Variants in PDE1C observed in about 807,000 individuals in gnomAD.
The protein encoded by PDE1C is dual specificity calcium/calmodulin-dependent 3',5'-cyclic nucleotide phosphodiesterase 1C.
PDE1C carries 62 observed loss-of-function variants against 93.1 expected under a neutral mutation model. The ratio of observed to expected loss-of-function variants is 0.67; its 90% confidence interval spans 0.54 to 0.82. The LOEUF (loss-of-function observed/expected upper bound fraction) is 0.82, where lower values mean the gene tolerates loss of function less well. Ranked by LOEUF, PDE1C falls within the 40% of genes least tolerant of loss-of-function variation. The pLI is 0.00. For missense variants in PDE1C, 742 were observed against 884.6 expected, an observed-to-expected ratio of 0.84 and a Z score of 2.04; for synonymous variants, 325 against 310.1, an observed-to-expected ratio of 1.05 and a Z score of -0.50.
intron 7 of PDE1C, 185 bp from the exon 8 acceptor site, chr7:31,850,926 T>G: frequency 1.7e-6 from 1 of 572,346 alleles, no homozygotes; most frequent in South Asian, 2.0e-5. Flanking sequence ...TGTGATTTGT[T>G]AACAATGTGT....
At chr7:32,379,155 C>T (rs1402321411) in intron 1 of PDE1C, among the ~76,000 whole-genome samples, 1 of 152,194 alleles carries the variant, frequency 6.6e-6, no homozygotes. Flanking sequence ...GCTCATGCTC[C>T]CTGACTCCTC....
At chr7:32,215,332 A>C (rs1806352681) in intron 1 of PDE1C, among the ~76,000 whole-genome samples, 1 of 151,880 alleles carries the variant, frequency 6.6e-6, no homozygotes, top group African/African-American at 2.4e-5. Context: ...TCCCCCCAAC[A>C]CCCGTTTTGT....
At chr7:32,046,852 G>T (rs772925488) in intron 2 of PDE1C, among the ~76,000 whole-genome samples, 1 of 152,216 alleles carries the variant, frequency 6.6e-6, no homozygotes, top group Non-Finnish European at 1.5e-5. Flanking sequence ...TAATGAGGTT[G>T]TTCATTACCT....
At chr7:32,369,180 G>A (rs945848413) in intron 1 of PDE1C, among the ~76,000 whole-genome samples, 1 of 151,992 alleles carries the variant, frequency 6.6e-6, no homozygotes, top group Non-Finnish European at 1.5e-5. Context: ...ATACAGCAAA[G>A]GAAATAATCA....
chr7:31,717,842 G>T, the PDE1C span, among the ~76,000 whole-genome samples: 1 of 152,042 alleles, frequency 6.6e-6, no homozygotes, highest in African/African-American at 2.4e-5. Context: ...CGGAAGGAGA[G>T]AAGGTGATCT....
At chr7:31,980,987 A>C (rs1011566291) in intron 2 of PDE1C, among the ~76,000 whole-genome samples, 1 of 152,176 alleles carries the variant, frequency 6.6e-6, no homozygotes, top group Admixed American at 6.5e-5. Flanking sequence ...TCACACATGC[A>C]AAGTCCCTTC....
intron 2 of PDE1C, among the ~76,000 whole-genome samples, chr7:31,943,017 A>G (rs62456047): frequency 0.038 from 5,742 of 152,224 alleles, 196 homozygotes; most frequent in Admixed American, 0.11. Context: ...ATAGCTGCTG[A>G]GGTGAGCCCA....
At chr7:31,844,912 C>G (rs1182935486) in intron 9 of PDE1C, among the ~76,000 whole-genome samples, 3 of 152,062 alleles carry the variant, frequency 2.0e-5, no homozygotes, top group Non-Finnish European at 4.4e-5. Context: ...GTCACTGTTT[C>G]CTTCTTCTGT....
At chr7:32,354,598 A>T (rs530402224) in intron 1 of PDE1C, among the ~76,000 whole-genome samples, 7 of 152,168 alleles carry the variant, frequency 4.6e-5, no homozygotes, top group East Asian at 1.9e-4. Flanking sequence ...TACCTTGTTT[A>T]AAAAAAAGTT....
intron 11 of PDE1C, among the ~76,000 whole-genome samples, chr7:31,829,048 C>G (rs1790050225): frequency 6.6e-6 from 1 of 152,072 alleles, no homozygotes; most frequent in Non-Finnish European, 1.5e-5. Context: ...GAGATGTTTT[C>G]TAAAAACTTG....
At chr7:31,713,145 G>A in the PDE1C span, among the ~76,000 whole-genome samples, 3 of 152,204 alleles carry the variant, frequency 2.0e-5, no homozygotes. Flanking sequence ...TTCTGCCTAT[G>A]AGCCTGTAAA....
At chr7:32,060,832 C>T (rs1794716997) in intron 1 of PDE1C, among the ~76,000 whole-genome samples, 1 of 152,074 alleles carries the variant, frequency 6.6e-6, no homozygotes, top group African/African-American at 2.4e-5. Flanking sequence ...CACTAATGAG[C>T]TAGGAAAGGC....
In PDE1C at chr7:31,970,847, G is replaced by C. The variant is rs576470825; in HGVS notation, c.128+80707C>G. Among the ~76,000 whole-genome samples the C allele has an allele frequency of 2.0e-5, 3 of 152,316 alleles. No homozygotes were observed. In the South Asian group the frequency reaches 6.2e-4, roughly 32 times the overall value. On this transcript the variant is annotated intron_variant, in intron 2 of 17. Coordinates refer to ENST00000396191, the MANE Select transcript of PDE1C (RefSeq NM_001191057.4). ...TCCATGTTGATCTGCAAAAGAGAGA[G>C]ATGACAGAAAGAGTGTTGGGTGTGG... is the stretch of plus-strand genomic sequence containing the variant.
intron 1 of PDE1C, among the ~76,000 whole-genome samples, chr7:32,355,513 C>T (rs1784013793): frequency 7.1e-6 from 1 of 141,762 alleles, no homozygotes; most frequent in Non-Finnish European, 1.6e-5. Flanking sequence ...CCCACCATCC[C>T]CTCAAATCTT....
intron 2 of PDE1C, among the ~76,000 whole-genome samples, chr7:31,960,579 A>C (rs745758988): frequency 3.9e-5 from 6 of 152,224 alleles, no homozygotes; most frequent in African/African-American, 9.6e-5. Flanking sequence ...AGAAATGCAT[A>C]TTGAAATATT....
intron 1 of PDE1C, among the ~76,000 whole-genome samples, chr7:32,354,666 C>G (rs1046741967): frequency 1.3e-5 from 2 of 152,162 alleles, no homozygotes; most frequent in Non-Finnish European, 2.9e-5. Flanking sequence ...GGCCACACAA[C>G]CTGTCCCAGA....
intron 3 of PDE1C, among the ~76,000 whole-genome samples, chr7:32,162,142 G>A (rs1175877246): frequency 1.3e-5 from 2 of 152,140 alleles, no homozygotes; most frequent in Non-Finnish European, 2.9e-5. Context: ...TTATGTTGTA[G>A]TTTCTTTAAT....
chr7:32,138,030 T>C (rs1451067919), intron 3 of PDE1C, among the ~76,000 whole-genome samples: 2 of 152,216 alleles, frequency 1.3e-5, no homozygotes, highest in African/African-American at 2.4e-5. Context: ...GAATTTAGCA[T>C]GGCCATTTGT....
At chr7:32,208,683 C>T (rs1390875591) in intron 2 of PDE1C, among the ~76,000 whole-genome samples, 1 of 152,108 alleles carries the variant, frequency 6.6e-6, no homozygotes, top group African/African-American at 2.4e-5. Flanking sequence ...GGAGCGTCTC[C>T]ACTCCACCCT....
Sources: allele counts gnomAD v4.1 joint callset (sites outside exome capture counted in the v4.1 genomes callset), GRCh38; gene constraint gnomAD v4.1.1; transcripts MANE v1.5; gene names NCBI Gene and HGNC (gene_info 2026-07-23, HGNC 2026-07-21).